Variants in FBXW4 observed in about 807,000 individuals in gnomAD.
The protein encoded by FBXW4 is F-box/WD repeat-containing protein 4.
Under a neutral mutation model 61.8 loss-of-function variants are expected in FBXW4, and 40 were observed. The ratio of observed to expected loss-of-function variants is 0.65; its 90% CI spans 0.50 to 0.84. The LOEUF (loss-of-function observed/expected upper bound fraction) is 0.84, where lower values mean the gene tolerates loss of function less well. FBXW4 is among the 40% of genes least tolerant of loss of function. FBXW4 has a pLI of 0.00. For missense variants in FBXW4, 672 were observed against 753.8 expected (o/e 0.89, Z 1.27); for synonymous variants, 311 against 313.8 (o/e 0.99, Z 0.10).
At chr10:101,652,349 T>C (rs974234767) in intron 5 of FBXW4, among the ~76,000 whole-genome samples, 1 of 152,170 alleles carries the variant, frequency 6.6e-6, no homozygotes, top group Non-Finnish European at 1.5e-5. Context: ...TTCTTGATTC[T>C]AAATCAGTCT....
intron 1 of FBXW4, among the ~76,000 whole-genome samples, chr10:101,677,916 A>G (rs1310035135): frequency 6.6e-6 from 1 of 152,190 alleles, no homozygotes; most frequent in African/African-American, 2.4e-5. Flanking sequence ...ACTCTAGTCA[A>G]TGATATGTAT....
At chr10:101,691,783 T>C (rs2064606563) in intron 1 of FBXW4, among the ~76,000 whole-genome samples, 1 of 152,136 alleles carries the variant, frequency 6.6e-6, no homozygotes, top group Non-Finnish European at 1.5e-5. Flanking sequence ...GTTATTCTCA[T>C]GAGAAAGGAA....
intron 6 of FBXW4, among the ~76,000 whole-genome samples, chr10:101,619,384 C>T (rs1232517836): frequency 1.3e-5 from 2 of 152,148 alleles, no homozygotes; most frequent in Non-Finnish European, 2.9e-5. Flanking sequence ...AAAGTCCAGG[C>T]GCAGTGGCTC....
At chr10:101,661,134 A>G (rs2064239390) in intron 5 of FBXW4, among the ~76,000 whole-genome samples, 1 of 152,236 alleles carries the variant, frequency 6.6e-6, no homozygotes, top group South Asian at 2.1e-4. Flanking sequence ...CTCTGTATCC[A>G]CAGTATTCAG....
At chr10:101,628,719 T>A (rs1041404311) in intron 5 of FBXW4, among the ~76,000 whole-genome samples, 2 of 152,112 alleles carry the variant, frequency 1.3e-5, no homozygotes, top group Admixed American at 1.3e-4. Context: ...AGGTAAGAGA[T>A]GAGAGGTACC....
intron 6 of FBXW4, 26 bp downstream of exon 6, chr10:101,624,719 C>A: frequency 6.2e-7 from 1 of 1,613,628 alleles, no homozygotes; most frequent in Non-Finnish European, 8.5e-7. Flanking sequence ...GGACTGGAAG[C>A]CAGCATGGGC....
At chr10:101,621,625 G>A (rs1045411312) in intron 6 of FBXW4, among the ~76,000 whole-genome samples, 5 of 152,196 alleles carry the variant, frequency 3.3e-5, no homozygotes, top group Non-Finnish European at 5.9e-5. Context: ...ATGCCTCCAA[G>A]GTGACAGGCA....
intron 5 of FBXW4, among the ~76,000 whole-genome samples, chr10:101,627,631 A>G (rs1355745068): frequency 2.6e-5 from 4 of 152,224 alleles, no homozygotes; most frequent in African/African-American, 9.6e-5. Context: ...CGCACATGCA[A>G]TCTCAGGGTA....
At chr10:101,651,308 CAG>C (rs1232904386) in intron 5 of FBXW4, among the ~76,000 whole-genome samples, 4 of 151,704 alleles carry the variant, frequency 2.6e-5, no homozygotes, top group Admixed American at 6.6e-5. Flanking sequence ...AGAGAGAAAA[CAG>C]AGGCCAGTGG....
intron 5 of FBXW4, among the ~76,000 whole-genome samples, chr10:101,644,872 C>A (rs1002694673): frequency 6.6e-6 from 1 of 152,184 alleles, no homozygotes; most frequent in Non-Finnish European, 1.5e-5. Context: ...CCATTTGCCA[C>A]CCAAAACCTC....
chr10:101,661,078 T>C (rs1315141593), intron 5 of FBXW4, among the ~76,000 whole-genome samples: 3 of 152,190 alleles, frequency 2.0e-5, no homozygotes, highest in African/African-American at 4.8e-5. Flanking sequence ...GACTGAGGGA[T>C]AGAAATGCAT....
intron 5 of FBXW4, among the ~76,000 whole-genome samples, chr10:101,643,509 C>T (rs921045310): frequency 6.6e-6 from 1 of 152,228 alleles, no homozygotes; most frequent in Non-Finnish European, 1.5e-5. Flanking sequence ...CCCAGGATGC[C>T]GCAGGCATAT....
chr10:101,635,740 G>C (rs2063995641), intron 5 of FBXW4, among the ~76,000 whole-genome samples: 1 of 151,906 alleles, frequency 6.6e-6, no homozygotes, highest in Non-Finnish European at 1.5e-5. Flanking sequence ...GGAGGGTGAG[G>C]TGGGAGGATC....
chr10:101,675,790 G>C (rs556014986), intron 2 of FBXW4, among the ~76,000 whole-genome samples: 10 of 152,316 alleles, frequency 6.6e-5, no homozygotes, highest in African/African-American at 2.4e-4. Flanking sequence ...AGCATTAGCA[G>C]TGCCACAGGC....
At chr10:101,669,744 T>TGGA (rs2064340087) in intron 4 of FBXW4, among the ~76,000 whole-genome samples, 1 of 142,644 alleles carries the variant, frequency 7.0e-6, no homozygotes, top group African/African-American at 2.6e-5. Context: ...CTGGAAAAGA[T>TGGA]TCAGTGGGAG....
chr10:101,670,045 G>A (rs1041938698), intron 4 of FBXW4, among the ~76,000 whole-genome samples: 3 of 152,012 alleles, frequency 2.0e-5, no homozygotes, highest in Non-Finnish European at 2.9e-5. Context: ...GTGAGCCACC[G>A]CGCCCGGCCG....
At chr10:101,617,422 C>T (rs1477280524) in intron 6 of FBXW4, among the ~76,000 whole-genome samples, 1 of 152,164 alleles carries the variant, frequency 6.6e-6, no homozygotes, top group African/African-American at 2.4e-5. Flanking sequence ...TGCCCAGAGG[C>T]TTGCCCTCTG....
chr10:101,666,118 G>A (rs1224224705), intron 5 of FBXW4, among the ~76,000 whole-genome samples: 2 of 152,192 alleles, frequency 1.3e-5, no homozygotes, highest in African/African-American at 4.8e-5. Flanking sequence ...AACTGAGGAG[G>A]AGACAAAGCT....
chr10:101,653,353 G>A (rs948216300), intron 5 of FBXW4, among the ~76,000 whole-genome samples: 4 of 152,104 alleles, frequency 2.6e-5, no homozygotes, highest in Non-Finnish European at 4.4e-5. Context: ...GGCCCAAAAC[G>A]GTCCAAAGTT....
Sources: allele counts gnomAD v4.1 joint callset (sites outside exome capture counted in the v4.1 genomes callset), GRCh38; gene constraint gnomAD v4.1.1; transcripts MANE v1.5; gene names NCBI Gene and HGNC (gene_info 2026-07-23, HGNC 2026-07-21).